Variants in ZNF696 observed in about 807,000 individuals in gnomAD.
The protein encoded by ZNF696 is zinc finger protein 696.
ZNF696 carries 10 observed loss-of-function variants against 12.3 expected under a neutral mutation model. The observed-to-expected ratio is 0.81, with a 90% CI of 0.50 to 1.38. The LOEUF (loss-of-function observed/expected upper bound fraction) is 1.38. Among genes scored for constraint, ZNF696 ranks in the 40% most tolerant of loss-of-function variants. The pLI is 0.00. For missense variants in ZNF696, 675 were observed against 554.7 expected (o/e 1.22, Z -2.18); for synonymous variants, 304 against 243.9 (o/e 1.25, Z -2.29).
In ZNF696 at chr8:143,298,582, CA is replaced by C. The variant is rs151282921; in HGVS notation, c.*1784del. Among the ~76,000 whole-genome samples, 2,838 of 152,268 alleles carry C rather than the reference CA, an allele frequency of 0.019. 52 individuals are homozygous for C. Among genetic ancestry groups the C allele is most frequent in the Non-Finnish European group, 0.03 (2,023 of 68,014 alleles). ...CAAGGAGAGTCAGCTGACTGAGGGC[CA>C]ACAGAAACAGCAGGCAGCCGCTGTC... On this transcript the variant is annotated 3_prime_UTR_variant, in exon 3 of 3. Coordinates refer to ENST00000330143, the MANE Select transcript of ZNF696 (RefSeq NM_030895.3).
In ZNF696 at chr8:143,296,783, G is replaced by A; in HGVS notation, c.1108G>A (p.Val370Met). ...LSFHLIQHRRVHGAE is the reference protein window; with the variant it reads ...LSFHLIQHRRMHGAE ...CTTCCACCTCATCCAGCACCGGCGG[G>A]TGCATGGCGCCGAGTGAGCCGGGGC... The change falls in exon 3 of 3, where the codon GTG becomes ATG. Residue 370 changes from valine (V) to methionine (M), a missense_variant. Val to Met is a conservative substitution (Grantham distance 21, BLOSUM62 1). Coordinates refer to ENST00000330143, the MANE Select transcript of ZNF696 (RefSeq NM_030895.3). 7.0e-7 allele frequency: 1 copy of A among 1,423,560 alleles called. No individual in the cohort carries two copies. The highest frequency in any genetic ancestry group is 9.1e-7 in the Non-Finnish European group (1 of 1,096,890). 88.2% of individuals were successfully genotyped at this position (1,423,560 alleles called of 1,614,324 possible). A position where few individuals can be genotyped will look rare whatever the true frequency, so the allele number is the denominator to read the frequency against.
intron 2 of ZNF696, 146 bp from the exon 3 acceptor site, chr8:143,295,594 C>T (rs1815694403): frequency 1.1e-6 from 1 of 919,116 alleles, no homozygotes; most frequent in Non-Finnish European, 1.6e-6. Flanking sequence ...AAAAACGAGG[C>T]GGGAACTGAA....
Position 143,291,487 on chromosome 8 carries a change from G to A in ZNF696, c.-311G>A, listed in dbSNP as rs570698899. 6.1e-6 allele frequency: 6 copies of A among 985,552 alleles called. No individual in the cohort carries two copies. Among genetic ancestry groups the A allele is most frequent in the Non-Finnish European group, 6.0e-6 (5 of 829,998 alleles). The allele number at this position is 985,552 out of a possible 1,614,324, so 61.1% of individuals were successfully genotyped here. ...CTCTTGCTGGGGTGTCGATTCGGGAGGGCTGAGGGCGCGGCCGAGAGAACG... is the reference window on the plus strand; with the variant it reads ...CTCTTGCTGGGGTGTCGATTCGGGAAGGCTGAGGGCGCGGCCGAGAGAACG... On this transcript the variant is annotated 5_prime_UTR_variant, in exon 1 of 3. Coordinates refer to ENST00000330143, the MANE Select transcript of ZNF696 (RefSeq NM_030895.3).
At chr8:143,295,657 C>A (rs554474721) in intron 2 of ZNF696, 83 bp from the exon 3 acceptor site, 149 of 1,390,374 alleles carry the variant, frequency 1.1e-4, no homozygotes, top group Non-Finnish European at 1.4e-4. Flanking sequence ...CACTGTCACT[C>A]TGTCGTCACC....
intron 1 of ZNF696, 25 bp from the exon 2 acceptor site, chr8:143,292,947 T>C: frequency 1.3e-6 from 2 of 1,599,532 alleles, no homozygotes; most frequent in East Asian, 2.2e-5. Context: ...CTGTGATTTA[T>C]TTTCCTTTTC....
In ZNF696 at chr8:143,296,551, C is replaced by A; in HGVS notation, c.876C>A (p.Pro292=). The change falls in exon 3 of 3, where the codon CCC becomes CCA. Residue 292 remains proline, a synonymous_variant. Transcript: ENST00000330143. ...AGCGCGTGCACACGGGGGAGCGGCCCTTCGCCTGCCAGGACTGCGGCCGCG... is the reference window on the plus strand; with the variant it reads ...AGCGCGTGCACACGGGGGAGCGGCCATTCGCCTGCCAGGACTGCGGCCGCG... ...QHQRVHTGER[P]FACQDCGRAF... The A allele has an allele frequency of 6.2e-7, 1 of 1,600,264 alleles. No individual in the cohort carries two copies. Among genetic ancestry groups the A allele is most frequent in the Non-Finnish European group, 8.5e-7 (1 of 1,177,528 alleles).
At chr8:143,295,244 G>A (rs1815687862) in intron 2 of ZNF696, 1 of 430,650 alleles carries the variant, frequency 2.3e-6, no homozygotes, top group Admixed American at 2.6e-5. Flanking sequence ...GCAGAGTAAG[G>A]CAGTGCCCAG....
Position 143,298,074 on chromosome 8 carries a change from G to A in ZNF696, c.*1274G>A, listed in dbSNP as rs1416091514. On this transcript the variant is annotated 3_prime_UTR_variant, in exon 3 of 3. Transcript: ENST00000330143. ...CTGTCATCATGAATTAAGCGAGGTGGGCTTTGAGTTTCTTGGGATGACAGG... is the reference window on the plus strand; with the variant it reads ...CTGTCATCATGAATTAAGCGAGGTGAGCTTTGAGTTTCTTGGGATGACAGG... 1 of 152,168 alleles carries A rather than the reference G, an allele frequency of 6.6e-6. No individual in the cohort carries two copies. Among genetic ancestry groups the A allele is most frequent in the African/African-American group, 2.4e-5 (1 of 41,434 alleles). The allele number at this position is 152,168 out of a possible 1,614,324, so 9.4% of individuals were successfully genotyped here.
At position 143,296,135 on chromosome 8, in the gene ZNF696, G is replaced by A. The variant is rs1353353318; in HGVS notation, c.460G>A (p.Glu154Lys). 6 of 1,609,858 alleles carry A rather than the reference G, an allele frequency of 3.7e-6. No homozygotes were observed. The highest frequency in any genetic ancestry group is 5.1e-6 in the Non-Finnish European group (6 of 1,178,786). The change falls in exon 3 of 3, where the codon GAG becomes AAG. Residue 154 changes from glutamate (E) to lysine (K), a missense_variant. Coordinates refer to ENST00000330143, the MANE Select transcript of ZNF696 (RefSeq NM_030895.3). ...RSIHSGEKPY[E>K]CSDCGKAFIH... ...CATCCACTCGGGGGAGAAACCGTAC[G>A]AGTGCAGCGACTGCGGGAAGGCCTT...
In ZNF696 at chr8:143,296,044, G is replaced by A. The variant is rs913106655; in HGVS notation, c.369G>A (p.Arg123=). The change falls in exon 3 of 3, where the codon CGG becomes CGA. Residue 123 remains arginine (R), a synonymous_variant. Transcript: ENST00000330143. ...GAEGGGSWKG[R]PFPCGACGRS... Reference sequence around the variant, plus strand: ...AGGGCGGGGGCAGCTGGAAGGGGCGGCCTTTCCCGTGCGGCGCCTGTGGCC... The same window carrying A: ...AGGGCGGGGGCAGCTGGAAGGGGCGACCTTTCCCGTGCGGCGCCTGTGGCC... 1.9e-6 allele frequency: 3 copies of A among 1,593,158 alleles called. No homozygotes were observed. The highest frequency in any genetic ancestry group is 2.7e-5 in the African/African-American group (2 of 74,426).
In ZNF696 at chr8:143,299,725, T is replaced by C. The variant is rs185608060; in HGVS notation, c.*2925T>C. On this transcript the variant is annotated 3_prime_UTR_variant, in exon 3 of 3. Coordinates refer to ENST00000330143, the MANE Select transcript of ZNF696 (RefSeq NM_030895.3). ...GCTCACACCTGTAATCCCAGCACTT[T>C]GGAGGCCAAGGTGGGTGGATCGCTT... is the stretch of plus-strand genomic sequence containing the variant. Among the ~76,000 whole-genome samples the C allele has an allele frequency of 2.2e-3, 334 of 152,276 alleles. No homozygotes were observed. The highest frequency in any genetic ancestry group is 0.01 in the Middle Eastern group (3 of 294).
At chr8:143,293,391 G>A in intron 2 of ZNF696, 1 of 495,302 alleles carries the variant, frequency 2.0e-6, no homozygotes, top group Non-Finnish European at 3.5e-6. Flanking sequence ...GCCATCCTGT[G>A]TGTTGTAGGA....
rs768726626 is a variant in ZNF696 at position 143,296,636 on chromosome 8, C to T, written c.961C>T (p.His321Tyr). 6.3e-7 allele frequency: 1 copy of T among 1,584,676 alleles called. No individual in the cohort carries two copies. Among genetic ancestry groups the T allele is most frequent in the Admixed American group, 1.7e-5 (1 of 57,710 alleles). The change falls in exon 3 of 3, where the codon CAC (histidine) becomes TAC (tyrosine). Residue 321 changes from histidine to tyrosine, a missense_variant. By Grantham distance (83) the His-to-Tyr change is moderately conservative. Transcript: ENST00000330143. ...CCGCATCCACACCGGGGAGAAGCCCCACCAGTGCGGCCACTGCGGGCGCGC... is the reference window on the plus strand; with the variant it reads ...CCGCATCCACACCGGGGAGAAGCCCTACCAGTGCGGCCACTGCGGGCGCGC... ...HRRIHTGEKP[H>Y]QCGHCGRAFR...
Position 143,299,201 on chromosome 8 carries a change from C to T in ZNF696, c.*2401C>T, listed in dbSNP as rs1254669557. On this transcript the variant is annotated 3_prime_UTR_variant, in exon 3 of 3. Coordinates refer to ENST00000330143, the MANE Select transcript of ZNF696 (RefSeq NM_030895.3). ...AAAGGAAAATGAGCCGAGTGATGGT[C>T]TTAGATATAAGATGGAATGGCAAGC... Among the ~76,000 whole-genome samples the T allele has an allele frequency of 6.6e-6, 1 of 151,882 alleles. No individual in the cohort carries two copies. The highest frequency in any genetic ancestry group is 2.4e-5 in the African/African-American group (1 of 41,338).
intron 2 of ZNF696, among the ~76,000 whole-genome samples, chr8:143,294,286 G>A (rs1815671122): frequency 6.6e-6 from 1 of 152,198 alleles, no homozygotes; most frequent in Admixed American, 6.5e-5. Flanking sequence ...CATTGATAAC[G>A]CAGCCTGGAT....
At chr8:143,295,560 G>A in intron 2 of ZNF696, 180 bp from the exon 3 acceptor site, 1 of 692,318 alleles carries the variant, frequency 1.4e-6, no homozygotes, top group Admixed American at 2.6e-5. Context: ...GGGTTAAGAA[G>A]GTGGGGAGGA....
At chr8:143,293,158 G>GTATATGCTCTGCGTC in intron 2 of ZNF696, 93 bp downstream of exon 2, 1 of 1,103,940 alleles carries the variant, frequency 9.1e-7, no homozygotes, top group Non-Finnish European at 1.4e-6. Flanking sequence ...CACTGACGCA[G>GTATATGCTCTGCGTC]AGCATATACT....
At chr8:143,291,965 A>T (rs1407250205) in intron 1 of ZNF696, among the ~76,000 whole-genome samples, 198 bp downstream of exon 1, 1 of 151,826 alleles carries the variant, frequency 6.6e-6, no homozygotes, top group East Asian at 1.9e-4. Context: ...CACTTTATTT[A>T]CTTATTTTTT....
rs768687996 is a variant in ZNF696, at chr8:143,296,709, G to C, written c.1034G>C (p.Gly345Ala). The change falls in exon 3 of 3, where the codon GGC becomes GCC. Residue 345 changes from glycine (G) to alanine (A), a missense_variant. By Grantham distance (60) the Gly-to-Ala change is moderately conservative (BLOSUM62 0). Transcript: ENST00000330143. ...GFFRHQRLHTGEKPFRCTECG... is the reference protein window; with the variant it reads ...GFFRHQRLHTAEKPFRCTECG... ...TTCCGGCACCAGCGACTCCACACGG[G>C]CGAGAAGCCGTTCCGCTGCACCGAG... The C allele has an allele frequency of 6.4e-7, 1 of 1,556,236 alleles. No homozygotes were observed. Among genetic ancestry groups the C allele is most frequent in the South Asian group, 1.2e-5 (1 of 85,526 alleles).
Sources: allele counts gnomAD v4.1 joint callset (sites outside exome capture counted in the v4.1 genomes callset), GRCh38; gene constraint gnomAD v4.1.1; transcripts MANE v1.5; gene names NCBI Gene and HGNC (gene_info 2026-07-23, HGNC 2026-07-21).